The following MYO18B variants were observed in gnomAD, a reference collection of about 807,000 sequenced individuals.
The protein encoded by MYO18B is myosin XVIIIB, also known as unconventional myosin-XVIIIb.
Under a neutral mutation model 273.0 loss-of-function variants are expected in MYO18B, and 204 were observed. The ratio of observed to expected loss-of-function variants is 0.75; its 90% CI spans 0.67 to 0.84. MYO18B has a LOEUF of 0.84. Ranked by LOEUF, MYO18B falls within the 40% of genes least tolerant of loss-of-function variation. The pLI, the probability that MYO18B is intolerant of heterozygous loss-of-function variation, is 0.00. For missense variants in MYO18B, 3,212 were observed against 3,287.6 expected (o/e 0.98, Z 0.56); for synonymous variants, 1,330 against 1,305.7 (o/e 1.02, Z -0.40).
chr22:26,017,058 TTCCTTC>T (rs1935398564), intron 42 of MYO18B, among the ~76,000 whole-genome samples: 1 of 148,636 alleles, frequency 6.7e-6, no homozygotes, highest in African/African-American at 2.5e-5. Flanking sequence ...CCTTCCTTCC[TTCCTTC>T]CTTCCTTCCT....
At chr22:25,925,545 G>GCATCAT (rs909538124) in intron 34 of MYO18B, among the ~76,000 whole-genome samples, 3 of 152,106 alleles carry the variant, frequency 2.0e-5, no homozygotes, top group African/African-American at 7.2e-5. Flanking sequence ...CTAAAGCGAA[G>GCATCAT]CATCATCATC....
intron 39 of MYO18B, among the ~76,000 whole-genome samples, chr22:25,956,331 T>C (rs980982058): frequency 1.3e-5 from 2 of 151,844 alleles, no homozygotes; most frequent in African/African-American, 4.8e-5. Context: ...TTCTCGTGGC[T>C]CAGCTTCCTG....
chr22:25,950,402 G>C lies in MYO18B; in HGVS notation c.5784G>C (p.Gln1928His). 6.2e-7 allele frequency: 1 copy of C among 1,607,730 alleles called. No homozygotes were observed. Among genetic ancestry groups the C allele is most frequent in the Non-Finnish European group, 8.5e-7 (1 of 1,177,036 alleles). The change falls in exon 37 of 44, where the codon CAG becomes CAC. Residue 1928 changes from glutamine to histidine, a missense_variant. By Grantham distance (24) the Gln-to-His change is conservative. Transcript: ENST00000335473. ...ACATTGGGCAGATCCAAGAACTGCA[G>C]CTGCAGCTGGAGGAAGCCAAGAAGG... ...AADIGQIQEL[Q>H]LQLEEAKKEK...
In MYO18B at chr22:25,952,276, A is replaced by AT; in HGVS notation, c.5833-9dup. Reference sequence around the variant, plus strand: ...AACAGATGTCCAATAGACTTCTCTCATACTTACAGCTGCAGGTGGCTCAGA... The same window carrying AT: ...AACAGATGTCCAATAGACTTCTCTCATTACTTACAGCTGCAGGTGGCTCAGA... On this transcript the variant is annotated splice_polypyrimidine_tract_variant and intron_variant, in intron 37 of 43. Transcript: ENST00000335473. The AT allele has an allele frequency of 1.2e-6, 2 of 1,607,612 alleles. No individual in the cohort carries two copies. Among genetic ancestry groups the AT allele is most frequent in the Non-Finnish European group, 8.5e-7 (1 of 1,177,484 alleles).
intron 12 of MYO18B, among the ~76,000 whole-genome samples, chr22:25,800,365 G>A (rs993571311): frequency 1.3e-5 from 2 of 152,234 alleles, no homozygotes; most frequent in African/African-American, 4.8e-5. Flanking sequence ...GCGCTTGGCT[G>A]TTTGGGCATC....
chr22:26,054,606 G>A, the MYO18B span, among the ~76,000 whole-genome samples: 206 of 152,322 alleles, frequency 1.4e-3, 1 homozygote, highest in African/African-American at 4.7e-3. Context: ...GACACTGTAT[G>A]TTCCTTGAGA....
At chr22:25,898,868 A>G (rs2091871156) in intron 29 of MYO18B, 1 of 174,396 alleles carries the variant, frequency 5.7e-6, no homozygotes, top group Admixed American at 5.5e-5. Context: ...TGAGCAGGTC[A>G]TTCAGTCCTT....
chr22:25,958,403 G>T (rs1459860953), intron 39 of MYO18B, among the ~76,000 whole-genome samples: 1 of 152,092 alleles, frequency 6.6e-6, no homozygotes, highest in Non-Finnish European at 1.5e-5. Context: ...CACGAATAAG[G>T]TCGGGCCAGC....
chr22:25,921,266 C>T lies in MYO18B; in HGVS notation c.5374C>T (p.Arg1792Trp), dbSNP rs369862472. The T allele has an allele frequency of 9.0e-6, 14 of 1,551,420 alleles. No individual in the cohort carries two copies. Among genetic ancestry groups the T allele is most frequent in the African/African-American group, 6.8e-5 (5 of 73,056 alleles). Residue 1792 changes from arginine to tryptophan, a missense_variant, in exon 34 of 44, where the codon CGG becomes TGG. By Grantham distance (101) the Arg-to-Trp change is moderately radical. Coordinates refer to ENST00000335473, the MANE Select transcript of MYO18B (RefSeq NM_032608.7). ...IGTLCDQIGH[R>W]DFDVEKRLRR... The stretch of plus-strand genomic sequence containing the variant: ...TCCCTTTGGCTTTCAGATTGGCCAT[C>T]GGGACTTTGATGTGGAGAAGCGACT...
chr22:25,930,477 T>C (rs2092482525), intron 34 of MYO18B, among the ~76,000 whole-genome samples: 1 of 151,714 alleles, frequency 6.6e-6, no homozygotes, highest in South Asian at 2.1e-4. Flanking sequence ...CTCCTGTTGG[T>C]CCTCTGCTGT....
Position 25,981,865 on chromosome 22 carries a change from G to A in MYO18B, c.6157-10498G>A, listed in dbSNP as rs372852241. ...CATGAGGACACTGAAGCAGCTCAGC[G>A]GGTGTATTAGTCCGTTCTTGCATTG... On this transcript the variant is annotated intron_variant, in intron 39 of 43. Coordinates refer to ENST00000335473, the MANE Select transcript of MYO18B (RefSeq NM_032608.7). Among the ~76,000 whole-genome samples, 5 of 152,326 alleles carry A rather than the reference G, an allele frequency of 3.3e-5. No individual in the cohort carries two copies. The East Asian group carries it at 7.7e-4, about 24-fold the overall frequency.
intron 21 of MYO18B, among the ~76,000 whole-genome samples, chr22:25,853,167 C>T (rs1273892187): frequency 1.3e-5 from 2 of 152,236 alleles, no homozygotes; most frequent in African/African-American, 4.8e-5. Context: ...TCATCATCCT[C>T]TTTCAAATCC....
chr22:25,789,672 T>A (rs1442498322), intron 11 of MYO18B, among the ~76,000 whole-genome samples: 1 of 151,306 alleles, frequency 6.6e-6, no homozygotes, highest in African/African-American at 2.4e-5. Flanking sequence ...ATACTTCCTA[T>A]GGAGAAATCA....
intron 34 of MYO18B, among the ~76,000 whole-genome samples, chr22:25,930,102 C>T (rs9613039): frequency 0.35 from 53,506 of 151,916 alleles, 10,233 homozygotes; most frequent in African/African-American, 0.48. Context: ...TGGCTGGGTT[C>T]TTGCTTCTTT....
At chr22:25,824,920 T>TGAA (rs2089432567) in intron 13 of MYO18B, among the ~76,000 whole-genome samples, 1 of 151,536 alleles carries the variant, frequency 6.6e-6, no homozygotes, top group African/African-American at 2.4e-5. Context: ...TACCACGGAA[T>TGAA]CACACACATG....
At chr22:25,818,364 T>C (rs556882581) in intron 12 of MYO18B, among the ~76,000 whole-genome samples, 113 of 152,344 alleles carry the variant, frequency 7.4e-4, no homozygotes, top group African/African-American at 2.5e-3. Context: ...TCTACATGGA[T>C]GGTTCCTTGA....
chr22:25,783,501 G>A (rs1405261681), intron 10 of MYO18B, among the ~76,000 whole-genome samples: 1 of 152,006 alleles, frequency 6.6e-6, no homozygotes, highest in Non-Finnish European at 1.5e-5. Context: ...ACATCTCTCA[G>A]ACACACACAT....
At chr22:25,811,835 C>T (rs933344151) in intron 12 of MYO18B, among the ~76,000 whole-genome samples, 8 of 152,150 alleles carry the variant, frequency 5.3e-5, no homozygotes, top group Admixed American at 1.3e-4. Flanking sequence ...GACAGTTGTG[C>T]GCATTTTGGA....
At chr22:25,801,958 A>G (rs894133389) in intron 12 of MYO18B, among the ~76,000 whole-genome samples, 1 of 152,164 alleles carries the variant, frequency 6.6e-6, no homozygotes, top group African/African-American at 2.4e-5. Context: ...CCTCCCAAGT[A>G]CCCTGTGTTC....
Sources: gnomAD v4.1 joint callset for allele counts (sites outside exome capture counted in the v4.1 genomes callset) on GRCh38, gnomAD v4.1.1 for gene constraint, MANE v1.5 for transcripts, NCBI Gene and HGNC (gene_info 2026-07-23, HGNC 2026-07-21) for gene names.